The following PTPRG variants were observed in gnomAD, a reference collection of about 807,000 sequenced individuals.
PTPRG encodes receptor-type tyrosine-protein phosphatase gamma.
Under a neutral mutation model 165.3 loss-of-function variants are expected in PTPRG, and 102 were observed. That is an observed-to-expected ratio of 0.62 (90% CI 0.53 to 0.73). The LOEUF (loss-of-function observed/expected upper bound fraction) is 0.73, where lower values mean the gene tolerates loss of function less well. Among genes scored for constraint, PTPRG ranks in the 30% least tolerant of loss-of-function variants. The pLI, the probability that PTPRG is intolerant of heterozygous loss-of-function variation, is 0.00. For missense variants in PTPRG, 1,866 were observed against 1,861.4 expected, an observed-to-expected ratio of 1.00 and a Z score of -0.05; for synonymous variants, 675 against 669.5, an observed-to-expected ratio of 1.01 and a Z score of -0.13.
At chr3:62,142,551 A>G (rs963728704) in intron 6 of PTPRG, among the ~76,000 whole-genome samples, 1 of 152,184 alleles carries the variant, frequency 6.6e-6, no homozygotes, top group Non-Finnish European at 1.5e-5. Flanking sequence ...AGATTCAGAC[A>G]TTGCTTTCCT....
intron 4 of PTPRG, among the ~76,000 whole-genome samples, chr3:62,065,415 T>C (rs1050735014): frequency 6.6e-6 from 1 of 152,148 alleles, no homozygotes; most frequent in Non-Finnish European, 1.5e-5. Flanking sequence ...GTCTGATCAA[T>C]GAACTGTTGA....
intron 2 of PTPRG, among the ~76,000 whole-genome samples, chr3:61,906,470 A>C (rs1559681127): frequency 6.6e-6 from 1 of 151,900 alleles, no homozygotes. Context: ...AAAAAGGAAA[A>C]AAAAACATAT....
In PTPRG at chr3:61,722,275, T is replaced by C. The variant is rs62244440; in HGVS notation, c.86-26603T>C. ...CAAAAGAGGGCCAAACTAGTCTGTT[T>C]ATAATGAACTCTCTCCCTTCATAAT... On this transcript the variant is annotated intron_variant, in intron 1 of 29. Transcript: ENST00000474889. 3.3e-3 allele frequency among the ~76,000 whole-genome samples: 497 copies of C among 152,168 alleles called. 3 individuals are homozygous for C. Among genetic ancestry groups the C allele is most frequent in the Admixed American group, 0.013 (203 of 15,280 alleles).
intron 2 of PTPRG, among the ~76,000 whole-genome samples, chr3:61,945,272 A>T (rs909176954): frequency 2.6e-5 from 4 of 152,086 alleles, no homozygotes; most frequent in Admixed American, 1.3e-4. Flanking sequence ...AGAAGGAAAA[A>T]CTTGAGGCCA....
Position 61,930,450 on chromosome 3 carries a change from C to T in PTPRG, c.191-59175C>T, listed in dbSNP as rs926798515. 2.0e-5 allele frequency among the ~76,000 whole-genome samples: 3 copies of T among 152,146 alleles called. No homozygotes were observed. The East Asian group carries it at 5.8e-4, about 29-fold the overall frequency. ...CAGCAGTGTGATGAGGGGCTCCCAG[C>T]ACACAGATTATCACTTCCATTCCTT... On this transcript the variant is annotated intron_variant, in intron 2 of 29. Transcript: ENST00000474889.
At position 61,663,021 on chromosome 3, in the gene PTPRG, C is replaced by T. The variant is rs189465927; in HGVS notation, c.86-85857C>T. ...AGAGCAGGCCAGGTATGGTGGCTCACACCTGTAATCTCAGCACTTTGGAAG... is the reference window on the plus strand; with the variant it reads ...AGAGCAGGCCAGGTATGGTGGCTCATACCTGTAATCTCAGCACTTTGGAAG... On this transcript the variant is annotated intron_variant, in intron 1 of 29. Coordinates refer to ENST00000474889, the MANE Select transcript of PTPRG (RefSeq NM_002841.4). Among the ~76,000 whole-genome samples, 6 of 152,254 alleles carry T rather than the reference C, an allele frequency of 3.9e-5. 1 individual carries two copies. Among genetic ancestry groups the T allele is most frequent in the Admixed American group, 3.9e-4 (6 of 15,288 alleles).
At chr3:61,925,936 G>GCT in intron 2 of PTPRG, 1 of 486,130 alleles carries the variant, frequency 2.1e-6, no homozygotes, top group Non-Finnish European at 4.1e-6. Context: ...AGGAACTCGA[G>GCT]CTCCTGGCTA....
intron 26 of PTPRG, among the ~76,000 whole-genome samples, chr3:62,280,713 A>G (rs1045308549): frequency 2.0e-5 from 3 of 152,060 alleles, no homozygotes; most frequent in Admixed American, 1.3e-4. Flanking sequence ...TTGTGGGCAT[A>G]TACCCAAAGG....
intron 2 of PTPRG, among the ~76,000 whole-genome samples, chr3:61,823,230 G>A (rs960290080): frequency 3.3e-4 from 50 of 152,194 alleles, no homozygotes; most frequent in Admixed American, 1.2e-3. Context: ...TTGTTCTGTC[G>A]CCCAGGCTAG....
chr3:61,793,608 A>G (rs1448527980), intron 2 of PTPRG, among the ~76,000 whole-genome samples: 1 of 152,230 alleles, frequency 6.6e-6, no homozygotes, highest in Admixed American at 6.5e-5. Flanking sequence ...TCAAAAAATA[A>G]GCAATACAAT....
intron 2 of PTPRG, among the ~76,000 whole-genome samples, chr3:61,789,441 A>G (rs933114805): frequency 6.6e-6 from 1 of 152,212 alleles, no homozygotes; most frequent in Non-Finnish European, 1.5e-5. Flanking sequence ...TGATTAAGAC[A>G]TACTTCTTGC....
chr3:61,900,386 C>A (rs1264198325), intron 2 of PTPRG, among the ~76,000 whole-genome samples: 5 of 152,200 alleles, frequency 3.3e-5, no homozygotes, highest in Admixed American at 1.3e-4. Context: ...CCTTCCCAAT[C>A]TCTCAATGAA....
chr3:62,234,781 T>C (rs1372635279), intron 14 of PTPRG, among the ~76,000 whole-genome samples: 2 of 152,206 alleles, frequency 1.3e-5, no homozygotes, highest in Non-Finnish European at 2.9e-5. Flanking sequence ...GATTTATCTA[T>C]ATTTTCTGCT....
At chr3:62,182,292 A>G (rs1705686438) in intron 8 of PTPRG, among the ~76,000 whole-genome samples, 1 of 152,188 alleles carries the variant, frequency 6.6e-6, no homozygotes, top group Admixed American at 6.5e-5. Flanking sequence ...TAATCACTGT[A>G]ATCTAACAGG....
chr3:61,708,735 G>C (rs1268171739), intron 1 of PTPRG, among the ~76,000 whole-genome samples: 1 of 152,086 alleles, frequency 6.6e-6, no homozygotes, highest in African/African-American at 2.4e-5. Flanking sequence ...GGAATTACAG[G>C]CATGAGCCAC....
At chr3:61,615,148 A>G (rs997981560) in intron 1 of PTPRG, among the ~76,000 whole-genome samples, 1 of 152,238 alleles carries the variant, frequency 6.6e-6, no homozygotes, top group African/African-American at 2.4e-5. Flanking sequence ...GTGTATCACA[A>G]TACATCCATC....
intron 5 of PTPRG, among the ~76,000 whole-genome samples, chr3:62,131,958 T>A (rs542806293): frequency 5.3e-5 from 8 of 152,006 alleles, no homozygotes; most frequent in Admixed American, 5.2e-4. Flanking sequence ...GAATGAGGAG[T>A]TCTGCTGAGT....
chr3:62,198,434 C>CAAAAGGTTGAAAATATTG (rs1700020969), intron 10 of PTPRG, among the ~76,000 whole-genome samples: 1 of 152,118 alleles, frequency 6.6e-6, no homozygotes, highest in African/African-American at 2.4e-5. Context: ...CAGTCTTCAA[C>CAAAAGGTTGAAAATATTG]AAAAGGTTGA....
chr3:62,184,183 T>A (rs1479738245), intron 8 of PTPRG, among the ~76,000 whole-genome samples: 1 of 152,190 alleles, frequency 6.6e-6, no homozygotes, highest in Non-Finnish European at 1.5e-5. Flanking sequence ...CCGAGAGGAA[T>A]GCACAGAGCC....
Sources: allele counts gnomAD v4.1 joint callset (sites outside exome capture counted in the v4.1 genomes callset), GRCh38; gene constraint gnomAD v4.1.1; transcripts MANE v1.5; gene names NCBI Gene and HGNC (gene_info 2026-07-23, HGNC 2026-07-21).